GRIK5: variants seen among roughly 807,000 people sequenced by gnomAD.
The protein encoded by GRIK5 is glutamate ionotropic receptor kainate type subunit 5, also known as glutamate receptor ionotropic, kainate 5.
Under a neutral mutation model 97.4 loss-of-function variants are expected in GRIK5, and 43 were observed. The observed-to-expected ratio is 0.44, with a 90% CI of 0.35 to 0.57. The LOEUF is 0.57. Ranked by LOEUF, GRIK5 falls within the 20% of genes least tolerant of loss-of-function variation. GRIK5 has a pLI of 0.01. For synonymous variants in GRIK5, 580 were observed against 583.5 expected (o/e 0.99, Z 0.09); for missense variants, 1,015 against 1,382.0 (o/e 0.73, Z 4.21).
At position 42,064,996 on chromosome 19, in the gene GRIK5, G is replaced by A. The variant is rs113188678; in HGVS notation, c.244+227C>T. Among the ~76,000 whole-genome samples, 320 of 152,332 alleles carry A rather than the reference G, an allele frequency of 2.1e-3. 4 individuals carry two copies. The highest frequency in any genetic ancestry group is 7.3e-3 in the African/African-American group (303 of 41,564). On this transcript the variant is annotated intron_variant, in intron 3 of 19. Transcript: ENST00000593562. ...GGATGATAGGGCTTATCTTTTCAAC[G>A]CCGCCCCGTGCTCCTCCAGAGCAGA... is the stretch of plus-strand genomic sequence containing the variant.
chr19:42,023,387 T>C lies in GRIK5; in HGVS notation c.1474-1033A>G, dbSNP rs887364212. Reference sequence around the variant, plus strand: ...GCATAGGGAGCTTCCATCCCCTTTGTTGTACACTTGCCACTTTTATGACTA... The same window carrying C: ...GCATAGGGAGCTTCCATCCCCTTTGCTGTACACTTGCCACTTTTATGACTA... On this transcript the variant is annotated intron_variant, in intron 12 of 19. Transcript: ENST00000593562. 9.9e-5 allele frequency among the ~76,000 whole-genome samples: 15 copies of C among 152,280 alleles called. 1 individual carries two copies. The highest frequency in any genetic ancestry group is 1.5e-4 in the Non-Finnish European group (10 of 68,012).
chr19:42,006,867 G>A lies in GRIK5; in HGVS notation c.1872-57C>T, dbSNP rs1030144698. The A allele has an allele frequency of 1.0e-5, 14 of 1,368,224 alleles. No individual in the cohort carries two copies. Among genetic ancestry groups the A allele is most frequent in the Admixed American group, 4.5e-5 (2 of 44,586 alleles). 84.8% of individuals were successfully genotyped at this position (1,368,224 alleles called of 1,614,324 possible). On this transcript the variant is annotated intron_variant, in intron 15 of 19. Transcript: ENST00000593562. This position sits in a 1 kb window ranked among gnomAD's most constrained non-coding sequence, Gnocchi z 5.3. ...GAGTCACCCCTGCTGACCTGCCCCC[G>A]TGGCCATGCCCCCCATTGGTGGTGC...
At chr19:42,051,920 C>G (rs2076122185) in intron 11 of GRIK5, among the ~76,000 whole-genome samples, 2 of 152,160 alleles carry the variant, frequency 1.3e-5, no homozygotes, top group Admixed American at 1.3e-4. Flanking sequence ...TGCCAGGAAG[C>G]CTTCCTCCAG....
intron 12 of GRIK5, among the ~76,000 whole-genome samples, chr19:42,026,206 T>A (rs2075769866): frequency 6.6e-6 from 1 of 152,154 alleles, no homozygotes; most frequent in African/African-American, 2.4e-5. Context: ...CAGGCTGGTC[T>A]CGAACTGCTG....
Position 41,999,469 on chromosome 19 carries a change from T to A in GRIK5, c.2515-170A>T, listed in dbSNP as rs1189319547. Among the ~76,000 whole-genome samples, 1 of 151,972 alleles carries A rather than the reference T, an allele frequency of 6.6e-6. No homozygotes were observed. The highest frequency in any genetic ancestry group is 1.5e-5 in the Non-Finnish European group (1 of 67,972). On this transcript the variant is annotated intron_variant, in intron 19 of 19. Transcript: ENST00000593562. This position sits in a 1 kb window ranked among gnomAD's most constrained non-coding sequence, Gnocchi z 5.0. Reference sequence around the variant, plus strand: ...CTTTATCTCCCCCGTGTTTTCTGCCTCCCCTCTCCACCTCTCCCCACTTAT... The same window carrying A: ...CTTTATCTCCCCCGTGTTTTCTGCCACCCCTCTCCACCTCTCCCCACTTAT...
chr19:42,009,705 T>G (rs2075537086), intron 15 of GRIK5, among the ~76,000 whole-genome samples: 1 of 149,248 alleles, frequency 6.7e-6, no homozygotes, highest in Non-Finnish European at 1.5e-5. Flanking sequence ...GAGGTAGAGG[T>G]TGCAGTGAGC....
intron 1 of GRIK5, among the ~76,000 whole-genome samples, chr19:42,066,084 C>T (rs986791602): frequency 2.0e-5 from 3 of 152,082 alleles, no homozygotes; most frequent in Middle Eastern, 3.2e-3. Context: ...AGAGGATGGG[C>T]ACAGCTACCA....
Position 42,062,684 on chromosome 19 carries a change from C to A in GRIK5, c.343-31G>T. ...CAGAGAGGAAACTTTGGCCTCCATC[C>A]TGCTTCTCCGCCCAGCCCTCGCCTC... is the stretch of plus-strand genomic sequence containing the variant. On this transcript the variant is annotated intron_variant, in intron 4 of 19. Transcript: ENST00000593562. The surrounding 1 kb of genome is among the most constrained non-coding windows in gnomAD (Gnocchi z 5.3). The A allele has an allele frequency of 6.2e-7, 1 of 1,613,762 alleles. No homozygotes were observed. The highest frequency in any genetic ancestry group is 1.1e-5 in the South Asian group (1 of 91,074).
chr19:42,055,786 G>A (rs972491720), intron 8 of GRIK5, among the ~76,000 whole-genome samples: 2 of 151,312 alleles, frequency 1.3e-5, no homozygotes, highest in East Asian at 2.0e-4. Flanking sequence ...AGGTTCAAGC[G>A]ACTCTTGTGC....
chr19:42,007,691 T>C (rs1324695315), intron 15 of GRIK5, among the ~76,000 whole-genome samples: 1 of 152,010 alleles, frequency 6.6e-6, no homozygotes, highest in African/African-American at 2.4e-5. Flanking sequence ...TGTGCATGCA[T>C]GGGGTGAAAC....
chr19:42,011,503 A>C (rs909678166), intron 15 of GRIK5, among the ~76,000 whole-genome samples: 73 of 151,224 alleles, frequency 4.8e-4, no homozygotes, highest in African/African-American at 1.7e-3. Context: ...CAGTGAGCCG[A>C]GATCGCGCCA....
At position 42,021,891 on chromosome 19, in the gene GRIK5, AG is replaced by A; in HGVS notation, c.1697+55del. 8.4e-7 allele frequency: 1 copy of A among 1,191,646 alleles called. No individual in the cohort carries two copies. The highest frequency in any genetic ancestry group is 1.5e-5 in the African/African-American group (1 of 66,606). The allele number at this position is 1,191,646 out of a possible 1,614,324, so 73.8% of individuals were successfully genotyped here. On this transcript the variant is annotated intron_variant, in intron 14 of 19. Transcript: ENST00000593562. The surrounding 1 kb of genome is among the most constrained non-coding windows in gnomAD (Gnocchi z 4.2). ...GAGAGAAGAGGCAGGTCGGTCCCAGAGGCCTCGGCTCGTGCCTCCTCCAGCC... is the reference window on the plus strand; with the variant it reads ...GAGAGAAGAGGCAGGTCGGTCCCAGAGCCTCGGCTCGTGCCTCCTCCAGCC...
chr19:42,036,880 C>A (rs1251590614), intron 12 of GRIK5, among the ~76,000 whole-genome samples: 1 of 152,150 alleles, frequency 6.6e-6, no homozygotes, highest in African/African-American at 2.4e-5. Flanking sequence ...GCATCTATGA[C>A]CTGTGCTGAT....
At chr19:42,054,027 G>C in intron 9 of GRIK5, 98 bp from the exon 10 acceptor site, 1 of 798,958 alleles carries the variant, frequency 1.3e-6, no homozygotes, top group Non-Finnish European at 2.1e-6. Context: ...GAAAGGCACA[G>C]ACAGACCGGG....
intron 11 of GRIK5, among the ~76,000 whole-genome samples, chr19:42,050,281 G>A (rs1474953967): frequency 6.6e-6 from 1 of 152,144 alleles, no homozygotes; most frequent in Non-Finnish European, 1.5e-5. Context: ...TGAGTATAGA[G>A]AGACCTGCTA....
chr19:42,057,305 G>A (rs1443945255), intron 6 of GRIK5, among the ~76,000 whole-genome samples: 1 of 152,080 alleles, frequency 6.6e-6, no homozygotes, highest in Non-Finnish European at 1.5e-5. Context: ...TCTCATGAAG[G>A]CACTTAGAAG....
intron 15 of GRIK5, among the ~76,000 whole-genome samples, chr19:42,008,846 G>A (rs942843437): frequency 6.6e-6 from 1 of 152,094 alleles, no homozygotes; most frequent in Admixed American, 6.6e-5. Flanking sequence ...GAAGTGAACA[G>A]AACTTTTAGA....
chr19:42,009,094 G>A (rs1418294465), intron 15 of GRIK5, among the ~76,000 whole-genome samples: 2 of 151,934 alleles, frequency 1.3e-5, no homozygotes, highest in African/African-American at 4.8e-5. Context: ...TGGGTGTGGT[G>A]GTGCCTGCCT....
In GRIK5 at chr19:42,004,842, T is replaced by C. The variant is rs184485417; in HGVS notation, c.2263+881A>G. 3.2e-3 allele frequency among the ~76,000 whole-genome samples: 480 copies of C among 152,270 alleles called. 1 individual carries two copies. Among genetic ancestry groups the C allele is most frequent in the Non-Finnish European group, 5.5e-3 (376 of 68,018 alleles). On this transcript the variant is annotated intron_variant, in intron 17 of 19. Transcript: ENST00000593562. ...TTGCCCAAGCTGGTCTCAAAACTCT[T>C]AGGTTCAAGTGATCCTTCCGGCTTG...
Sources: allele counts gnomAD v4.1 joint callset (sites outside exome capture counted in the v4.1 genomes callset), GRCh38; gene constraint gnomAD v4.1.1; non-coding constraint Gnocchi (gnomAD v3.1); transcripts MANE v1.5; gene names NCBI Gene and HGNC (gene_info 2026-07-23, HGNC 2026-07-21).